TMED10: variants seen among roughly 807,000 people sequenced by gnomAD.
TMED10 encodes the protein transmembrane emp24 domain-containing protein 10.
Under a neutral mutation model 23.1 loss-of-function variants are expected in TMED10, and 7 were observed. That is an observed-to-expected ratio of 0.30 (90% CI 0.17 to 0.57). The LOEUF is 0.57. TMED10 is among the 20% of genes least tolerant of loss of function. The pLI, the probability that TMED10 is intolerant of heterozygous loss-of-function variation, is 0.91. For synonymous variants in TMED10, 113 were observed against 106.9 expected, an observed-to-expected ratio of 1.06 and a Z score of -0.35; for missense variants, 162 against 274.8, an observed-to-expected ratio of 0.59 and a Z score of 2.90.
At chr14:75,149,595 C>G (rs1395888057) in intron 2 of TMED10, among the ~76,000 whole-genome samples, 2 of 152,164 alleles carry the variant, frequency 1.3e-5, no homozygotes, top group Non-Finnish European at 2.9e-5. Flanking sequence ...GGTGAAAATG[C>G]AAAGCACTGT....
chr14:75,164,040 A>G (rs1469633654), intron 1 of TMED10, among the ~76,000 whole-genome samples: 1 of 152,046 alleles, frequency 6.6e-6, no homozygotes, highest in Non-Finnish European at 1.5e-5. Context: ...TCAGAACTCC[A>G]TAAATATTTA....
chr14:75,170,186 C>T (rs745759715), intron 1 of TMED10, among the ~76,000 whole-genome samples: 7 of 152,132 alleles, frequency 4.6e-5, no homozygotes, highest in Non-Finnish European at 8.8e-5. Flanking sequence ...CAAGATTGCA[C>T]CACCGCACTG....
Position 75,134,742 on chromosome 14 carries a change from TC to T in TMED10, c.*142del. 1 of 1,087,428 alleles carries T rather than the reference TC, an allele frequency of 9.2e-7. No individual in the cohort carries two copies. The allele number at this position is 1,087,428 out of a possible 1,614,324, so 67.4% of individuals were successfully genotyped here. A position where few individuals can be genotyped will look rare whatever the true frequency, so the allele number is the denominator to read the frequency against. ...TGGGTGTAGGTGGTACCCCATGTCC[TC>T]CCACACCAAAAGAGATCAGTTCTGG... On this transcript the variant is annotated 3_prime_UTR_variant, in exon 5 of 5. Coordinates refer to ENST00000303575, the MANE Select transcript of TMED10 (RefSeq NM_006827.6).
At chr14:75,143,083 T>A (rs562754307) in intron 3 of TMED10, among the ~76,000 whole-genome samples, 46 of 152,248 alleles carry the variant, frequency 3.0e-4, no homozygotes, top group African/African-American at 9.4e-4. Context: ...GGTCTTGAAC[T>A]CCTGACCTCA....
At chr14:75,155,100 A>G (rs1896006238) in intron 1 of TMED10, among the ~76,000 whole-genome samples, 1 of 152,004 alleles carries the variant, frequency 6.6e-6, no homozygotes, top group Non-Finnish European at 1.5e-5. Flanking sequence ...CTGGGACTAC[A>G]GGCATGCACC....
chr14:75,146,917 A>AGATG (rs1194862346), intron 3 of TMED10, among the ~76,000 whole-genome samples: 1 of 151,594 alleles, frequency 6.6e-6, no homozygotes, highest in African/African-American at 2.4e-5. Flanking sequence ...CCAGATAGAT[A>AGATG]GATAGATAGA....
rs35308116 is a variant in TMED10 at position 75,166,939 on chromosome 14, C to CT, written c.225+9415dup. Among the ~76,000 whole-genome samples the CT allele has an allele frequency of 4.5e-3, 521 of 114,552 alleles. 4 individuals are homozygous for CT. Among genetic ancestry groups the CT allele is most frequent in the South Asian group, 0.016 (55 of 3,472 alleles). The allele number at this position is 114,552 out of a possible 152,430, so 75.2% of individuals were successfully genotyped here. ...TGACTGAGCAACATGCATCCTATTCCTTTTTTTTTTTTTTTTTTTTGAGAC... is the reference window on the plus strand; with the variant it reads ...TGACTGAGCAACATGCATCCTATTCCTTTTTTTTTTTTTTTTTTTTTGAGAC... On this transcript the variant is annotated intron_variant, in intron 1 of 4. Transcript: ENST00000303575.
At chr14:75,168,191 C>T (rs1896188037) in intron 1 of TMED10, among the ~76,000 whole-genome samples, 1 of 152,142 alleles carries the variant, frequency 6.6e-6, no homozygotes, top group Admixed American at 6.6e-5. Flanking sequence ...CCATCAGTCA[C>T]CCCCTACTCC....
intron 1 of TMED10, among the ~76,000 whole-genome samples, chr14:75,154,401 C>CAA (rs1166201835): frequency 0.035 from 538 of 15,244 alleles, 233 homozygotes; most frequent in South Asian, 0.081. Flanking sequence ...GACTCTGTCT[C>CAA]AAAAAAAAAA....
At chr14:75,171,698 G>A (rs1201024072) in intron 1 of TMED10, among the ~76,000 whole-genome samples, 1 of 152,190 alleles carries the variant, frequency 6.6e-6, no homozygotes, top group Non-Finnish European at 1.5e-5. Context: ...GAAGAAACAT[G>A]GCTCTGCCAA....
At chr14:75,135,689 C>G in intron 4 of TMED10, 71 bp downstream of exon 4, 3 of 1,580,890 alleles carry the variant, frequency 1.9e-6, no homozygotes, top group South Asian at 1.2e-5. Flanking sequence ...AAAGGGTACA[C>G]CAGAATTGAA....
intron 2 of TMED10, among the ~76,000 whole-genome samples, chr14:75,149,407 T>C (rs751829895): frequency 3.3e-5 from 5 of 152,202 alleles, no homozygotes; most frequent in Admixed American, 6.5e-5. Context: ...CCTCACCAGA[T>C]GTGGCCCCTT....
chr14:75,169,835 G>A (rs1351241535), intron 1 of TMED10, among the ~76,000 whole-genome samples: 1 of 152,128 alleles, frequency 6.6e-6, no homozygotes, highest in African/African-American at 2.4e-5. Flanking sequence ...CTAGAATGTG[G>A]CCTACCATAT....
Position 75,131,914 on chromosome 14 carries a change from A to C in TMED10, c.*2971T>G, listed in dbSNP as rs1594861367. The stretch of plus-strand genomic sequence containing the variant: ...AAGTTTAGGGTCACACTTGGGAACA[A>C]AAGCATCAACGAAATAAAATATTCT... On this transcript the variant is annotated 3_prime_UTR_variant, in exon 5 of 5. Transcript: ENST00000303575. 6.6e-6 allele frequency: 1 copy of C among 152,456 alleles called. No homozygotes were observed. The allele number at this position is 152,456 out of a possible 1,614,324, so 9.4% of individuals were successfully genotyped here. A position where few individuals can be genotyped will look rare whatever the true frequency, so the allele number is the denominator to read the frequency against.
At chr14:75,170,693 G>A (rs1231111008) in intron 1 of TMED10, among the ~76,000 whole-genome samples, 1 of 152,072 alleles carries the variant, frequency 6.6e-6, no homozygotes, top group African/African-American at 2.4e-5. Flanking sequence ...AATGACAAGG[G>A]CAACAATTCC....
At chr14:75,161,560 T>C (rs2139852131) in intron 1 of TMED10, among the ~76,000 whole-genome samples, 1 of 152,344 alleles carries the variant, frequency 6.6e-6, no homozygotes, top group East Asian at 1.9e-4. Flanking sequence ...GTAAAAGGAC[T>C]GTAACTAACA....
At chr14:75,151,716 G>A (rs1159270479) in intron 2 of TMED10, among the ~76,000 whole-genome samples, 1 of 152,136 alleles carries the variant, frequency 6.6e-6, no homozygotes, top group African/African-American at 2.4e-5. Context: ...AAAGTCCACA[G>A]TTTACATTAG....
intron 1 of TMED10, among the ~76,000 whole-genome samples, chr14:75,173,328 G>A (rs1161679261): frequency 6.6e-6 from 1 of 151,900 alleles, no homozygotes. Flanking sequence ...GGTCAAGGCT[G>A]CAGTGAGCTG....
At chr14:75,153,542 A>G (rs896326258) in intron 1 of TMED10, among the ~76,000 whole-genome samples, 1 of 152,236 alleles carries the variant, frequency 6.6e-6, no homozygotes, top group African/African-American at 2.4e-5. Flanking sequence ...TGGCTGTCTT[A>G]GTAGAAAGCA....
Sources: allele counts gnomAD v4.1 joint callset (sites outside exome capture counted in the v4.1 genomes callset), GRCh38; gene constraint gnomAD v4.1.1; transcripts MANE v1.5; gene names NCBI Gene and HGNC (gene_info 2026-07-23, HGNC 2026-07-21).